The following TRMT11 variants were observed in gnomAD, a reference collection of about 807,000 sequenced individuals.
The protein encoded by TRMT11 is tRNA methyltransferase 11, also known as tRNA (guanine(10)-N(2))-methyltransferase TRMT11.
In TRMT11, 53 loss-of-function variants were observed where a neutral mutation model predicts 62.8. The observed-to-expected ratio is 0.84, with a 90% CI of 0.68 to 1.06. The LOEUF (loss-of-function observed/expected upper bound fraction) is 1.06, where lower values mean the gene tolerates loss of function less well. Ranked by LOEUF, TRMT11 falls within the 50% of genes least tolerant of loss-of-function variation. The pLI is 0.00. For synonymous variants in TRMT11, 188 were observed against 190.3 expected, an observed-to-expected ratio of 0.99 and a Z score of 0.10; for missense variants, 556 against 553.4, an observed-to-expected ratio of 1.00 and a Z score of -0.05.
At chr6:126,015,610 A>T (rs192505596) in intron 11 of TRMT11, among the ~76,000 whole-genome samples, 119 of 152,308 alleles carry the variant, frequency 7.8e-4, no homozygotes, top group African/African-American at 2.7e-3. Flanking sequence ...AAACAAGAAC[A>T]TTCCTATCTA....
At chr6:125,994,890 A>G (rs560280872) in intron 2 of TRMT11, among the ~76,000 whole-genome samples, 1 of 152,336 alleles carries the variant, frequency 6.6e-6, no homozygotes, top group East Asian at 1.9e-4. Flanking sequence ...AGAAAACCAA[A>G]CACCACGTGT....
At chr6:126,047,513 G>A (rs868511643) in intron 16 of TRMT11, among the ~76,000 whole-genome samples, 1 of 151,906 alleles carries the variant, frequency 6.6e-6, no homozygotes, top group African/African-American at 2.4e-5. Flanking sequence ...TTAAAGCCCC[G>A]TATTCACCAT....
chr6:126,262,084 A>G, the TRMT11 span, among the ~76,000 whole-genome samples: 2 of 152,216 alleles, frequency 1.3e-5, no homozygotes, highest in Non-Finnish European at 2.9e-5. Context: ...GTGAAGGTTC[A>G]TGCTGGTGTA....
At chr6:126,129,699 T>A (rs577474498) in intron 21 of TRMT11, among the ~76,000 whole-genome samples, 26 of 152,046 alleles carry the variant, frequency 1.7e-4, no homozygotes, top group African/African-American at 5.5e-4. Context: ...TAAAAAAAAT[T>A]TTTTTTATGT....
chr6:126,150,495 G>A (rs927246945), intron 21 of TRMT11, among the ~76,000 whole-genome samples: 1 of 152,144 alleles, frequency 6.6e-6, no homozygotes, highest in African/African-American at 2.4e-5. Flanking sequence ...ATAAGCATGA[G>A]CACCATTTTA....
intron 17 of TRMT11, among the ~76,000 whole-genome samples, chr6:126,075,428 A>G (rs1286065109): frequency 6.6e-6 from 1 of 151,816 alleles, no homozygotes; most frequent in Non-Finnish European, 1.5e-5. Flanking sequence ...TATTCTCGTG[A>G]TAGTGAGTTC....
the TRMT11 span, among the ~76,000 whole-genome samples, chr6:126,242,189 T>C: frequency 6.6e-6 from 1 of 152,052 alleles, no homozygotes; most frequent in Non-Finnish European, 1.5e-5. Context: ...TCACAATTGC[T>C]TCAAAGAAAA....
chr6:126,004,876 T>C (rs1793117062), intron 7 of TRMT11, among the ~76,000 whole-genome samples: 1 of 152,084 alleles, frequency 6.6e-6, no homozygotes, highest in African/African-American at 2.4e-5. Flanking sequence ...TTTTCCTTTT[T>C]TCCTTTAGAC....
intron 17 of TRMT11, among the ~76,000 whole-genome samples, chr6:126,103,504 A>C (rs1777426840): frequency 6.6e-6 from 1 of 152,354 alleles, no homozygotes; most frequent in South Asian, 2.1e-4. Context: ...GGTCCTCTTC[A>C]AAGTTGCAAT....
At chr6:126,095,401 T>TC in intron 17 of TRMT11, among the ~76,000 whole-genome samples, 1 of 152,204 alleles carries the variant, frequency 6.6e-6, no homozygotes, top group Non-Finnish European at 1.5e-5. Context: ...GCCACCATAG[T>TC]CCTTGTGGGA....
intron 16 of TRMT11, among the ~76,000 whole-genome samples, chr6:126,050,189 G>A (rs1409843945): frequency 6.6e-6 from 1 of 152,002 alleles, no homozygotes; most frequent in Non-Finnish European, 1.5e-5. Context: ...AATTAGCTGG[G>A]CGTGGTGGCA....
Position 126,012,953 on chromosome 6 carries a change from T to C in TRMT11, c.1008-17T>C. 6.2e-7 allele frequency: 1 copy of C among 1,608,184 alleles called. No homozygotes were observed. Among genetic ancestry groups the C allele is most frequent in the Non-Finnish European group, 8.5e-7 (1 of 1,176,634 alleles). On this transcript the variant is annotated splice_polypyrimidine_tract_variant and intron_variant, in intron 10 of 12. Coordinates refer to ENST00000334379, the MANE Select transcript of TRMT11 (RefSeq NM_001031712.3). ...AAAATTTTTCACTGATTTTGAAATTTTCTTTTCTTTGTGTAGTCCAGAAAG... is the reference window on the plus strand; with the variant it reads ...AAAATTTTTCACTGATTTTGAAATTCTCTTTTCTTTGTGTAGTCCAGAAAG...
chr6:126,222,896 T>C, the TRMT11 span, among the ~76,000 whole-genome samples: 1 of 151,408 alleles, frequency 6.6e-6, no homozygotes, highest in Admixed American at 6.6e-5. Flanking sequence ...ATAGATTTGA[T>C]TGTGTAACTG....
At chr6:126,174,697 C>T (rs1331560124), upstream of TRMT11, among the ~76,000 whole-genome samples, 1 of 152,176 alleles carries the variant, frequency 6.6e-6, no homozygotes, top group Non-Finnish European at 1.5e-5. Flanking sequence ...AAGGTTATAT[C>T]TAGTTAAAGG....
At chr6:126,260,574 C>T in the TRMT11 span, among the ~76,000 whole-genome samples, 1 of 152,130 alleles carries the variant, frequency 6.6e-6, no homozygotes, top group African/African-American at 2.4e-5. Context: ...CTTCCATTTT[C>T]AGTTGTAGCA....
At chr6:126,169,502 C>T (rs1050631759) in intron 21 of TRMT11, among the ~76,000 whole-genome samples, 2 of 152,184 alleles carry the variant, frequency 1.3e-5, no homozygotes, top group East Asian at 1.9e-4. Flanking sequence ...TCAGGGGAAA[C>T]GTTTCCTCCT....
chr6:126,032,455 T>A (rs1774377384), intron 12 of TRMT11, among the ~76,000 whole-genome samples: 1 of 152,178 alleles, frequency 6.6e-6, no homozygotes, highest in Non-Finnish European at 1.5e-5. Context: ...AGAATGGATT[T>A]ACCTCCTTTT....
rs76469394 is a variant in TRMT11 at position 126,088,954 on chromosome 6, A to T, written c.*1438-23912A>T. Among the ~76,000 whole-genome samples the T allele has an allele frequency of 4.3e-3, 648 of 152,338 alleles. 6 individuals carry two copies. The highest frequency in any genetic ancestry group is 0.015 in the African/African-American group (628 of 41,580). ...TTCAAATTAGCTAGCTAATTCAAGA[A>T]TGAGAATTAGTTCTCAATTATTTGG... On this transcript the variant is annotated intron_variant and NMD_transcript_variant, in intron 17 of 22. Coordinates refer to the TRMT11 transcript ENST00000648977.
intron 17 of TRMT11, among the ~76,000 whole-genome samples, chr6:126,105,482 G>C (rs1275819088): frequency 2.0e-5 from 3 of 152,166 alleles, no homozygotes; most frequent in African/African-American, 7.2e-5. Flanking sequence ...TGGTGCACTG[G>C]GGAAGAACCA....
Sources: gnomAD v4.1 joint callset for allele counts (sites outside exome capture counted in the v4.1 genomes callset) on GRCh38, gnomAD v4.1.1 for gene constraint, MANE v1.5 for transcripts, NCBI Gene and HGNC (gene_info 2026-07-23, HGNC 2026-07-21) for gene names.